The following SRGAP3 variants were observed in gnomAD, a reference collection of about 807,000 sequenced individuals.
The protein encoded by SRGAP3 is SLIT-ROBO Rho GTPase-activating protein 3.
SRGAP3 carries 39 observed loss-of-function variants against 121.1 expected under a neutral mutation model. That is an observed-to-expected ratio of 0.32 (90% CI 0.25 to 0.42). The LOEUF (loss-of-function observed/expected upper bound fraction) is 0.42. SRGAP3 is among the 10% of genes least tolerant of loss of function. The pLI is 1.00. For synonymous variants in SRGAP3, 601 were observed against 570.0 expected, an observed-to-expected ratio of 1.05 and a Z score of -0.77; for missense variants, 1,213 against 1,470.6, an observed-to-expected ratio of 0.82 and a Z score of 2.86.
intron 1 of SRGAP3, among the ~76,000 whole-genome samples, chr3:9,186,390 G>T (rs985794321): frequency 1.3e-5 from 2 of 151,938 alleles, no homozygotes; most frequent in African/African-American, 2.4e-5. Flanking sequence ...TTGTTACATT[G>T]TCGGCTCCTT....
chr3:9,226,654 C>A (rs781098586), intron 1 of SRGAP3, among the ~76,000 whole-genome samples: 16 of 152,196 alleles, frequency 1.1e-4, no homozygotes, highest in Non-Finnish European at 1.8e-4. Context: ...GCTAAGCACA[C>A]CTCTCCCCAG....
intron 1 of SRGAP3, among the ~76,000 whole-genome samples, chr3:9,145,294 C>T (rs1336494643): frequency 6.6e-6 from 1 of 152,142 alleles, no homozygotes; most frequent in African/African-American, 2.4e-5. Context: ...CGGGGTTTCG[C>T]CATGTTGGCC....
intron 17 of SRGAP3, 124 bp downstream of exon 17, chr3:9,013,184 T>C: frequency 1.1e-6 from 1 of 939,842 alleles, no homozygotes. Flanking sequence ...GAAGCTCAGA[T>C]GAGAAAATGT....
At chr3:9,046,475 G>T (rs532387462) in intron 10 of SRGAP3, among the ~76,000 whole-genome samples, 2 of 152,230 alleles carry the variant, frequency 1.3e-5, no homozygotes, top group Admixed American at 6.5e-5. Context: ...AATGACTGAT[G>T]AGGTCAGGGA....
chr3:9,100,261 C>A (rs909207111), intron 3 of SRGAP3, among the ~76,000 whole-genome samples: 1 of 152,208 alleles, frequency 6.6e-6, no homozygotes, highest in Non-Finnish European at 1.5e-5. Context: ...TTACCTTTCT[C>A]CAGACCCTGA....
At chr3:8,986,016 A>G in intron 21 of SRGAP3, 84 bp from the exon 22 acceptor site, 4 of 1,591,784 alleles carry the variant, frequency 2.5e-6, no homozygotes, top group Non-Finnish European at 3.4e-6. Flanking sequence ...TTCCCTTCGT[A>G]GGCAGGTTCC....
chr3:9,045,373 T>A (rs1945213434), intron 10 of SRGAP3, among the ~76,000 whole-genome samples: 1 of 151,916 alleles, frequency 6.6e-6, no homozygotes, highest in Non-Finnish European at 1.5e-5. Flanking sequence ...TCCGGGAGGT[T>A]TTTTTTTATT....
chr3:9,059,750 A>C, intron 6 of SRGAP3: 1 of 211,872 alleles, frequency 4.7e-6, no homozygotes, highest in Admixed American at 5.3e-5. Context: ...TAACTTCCCC[A>C]CACAAAGCTG....
intron 19 of SRGAP3, chr3:8,994,020 G>C (rs1359200163): frequency 7.3e-6 from 3 of 412,638 alleles, no homozygotes; most frequent in South Asian, 2.3e-5. Flanking sequence ...AGGCCTAGGA[G>C]GTGGAGGCAC....
At chr3:9,003,675 A>C (rs1447474646) in intron 18 of SRGAP3, among the ~76,000 whole-genome samples, 1 of 152,232 alleles carries the variant, frequency 6.6e-6, no homozygotes, top group East Asian at 1.9e-4. Context: ...TAATAGATGA[A>C]GAAAAAGCAC....
intron 2 of SRGAP3, among the ~76,000 whole-genome samples, chr3:9,110,383 G>A (rs113805555): frequency 1.3e-5 from 2 of 152,316 alleles, no homozygotes; most frequent in Middle Eastern, 3.4e-3. Context: ...CTGGGCTGGA[G>A]AGACAAACAT....
At chr3:9,325,174 T>A (rs1955497638) in intron 3 of SRGAP3, among the ~76,000 whole-genome samples, 1 of 151,828 alleles carries the variant, frequency 6.6e-6, no homozygotes, top group Non-Finnish European at 1.5e-5. Context: ...GATGGCTGCA[T>A]GCAAACATTT....
intron 3 of SRGAP3, among the ~76,000 whole-genome samples, chr3:9,265,226 A>G (rs1233174635): frequency 2.0e-5 from 3 of 152,234 alleles, no homozygotes; most frequent in Non-Finnish European, 2.9e-5. Context: ...AATTAACTCA[A>G]GATGGATTAA....
intron 1 of SRGAP3, among the ~76,000 whole-genome samples, chr3:9,361,682 T>C (rs1225577350): frequency 1.3e-5 from 2 of 152,148 alleles, no homozygotes; most frequent in East Asian, 1.9e-4. Context: ...TTTTCTTTCC[T>C]AAGGGTTAAA....
intron 3 of SRGAP3, among the ~76,000 whole-genome samples, chr3:9,282,924 C>G (rs1954706139): frequency 6.6e-6 from 1 of 151,976 alleles, no homozygotes; most frequent in Non-Finnish European, 1.5e-5. Context: ...CAAAATTCAG[C>G]AAGTGGTAGT....
At chr3:9,290,917 CA>C (rs1954858702) in intron 3 of SRGAP3, among the ~76,000 whole-genome samples, 1 of 152,130 alleles carries the variant, frequency 6.6e-6, no homozygotes, top group African/African-American at 2.4e-5. Context: ...TATTATTTCA[CA>C]AAACTTTTGT....
intron 18 of SRGAP3, among the ~76,000 whole-genome samples, chr3:9,008,707 T>C (rs1329519591): frequency 6.6e-6 from 1 of 152,176 alleles, no homozygotes; most frequent in Admixed American, 6.5e-5. Context: ...AGGATGACTT[T>C]AGCCTCTCAG....
At chr3:9,104,619 T>A (rs1948346121) in intron 3 of SRGAP3, 61 bp downstream of exon 3, 2 of 1,604,966 alleles carry the variant, frequency 1.2e-6, no homozygotes, top group Non-Finnish European at 1.7e-6. Flanking sequence ...GCTGGTATAC[T>A]GTTACCATGG....
At chr3:9,299,352 T>C (rs1574983130) in intron 3 of SRGAP3, among the ~76,000 whole-genome samples, 1 of 120,152 alleles carries the variant, frequency 8.3e-6, no homozygotes, top group Non-Finnish European at 1.7e-5. Context: ...AGAGCGAGAC[T>C]CCGTCCCAAA....
Sources: gnomAD v4.1 joint callset for allele counts (sites outside exome capture counted in the v4.1 genomes callset) on GRCh38, gnomAD v4.1.1 for gene constraint, MANE v1.5 for transcripts, NCBI Gene and HGNC (gene_info 2026-07-23, HGNC 2026-07-21) for gene names.